GORAB: variants seen among roughly 807,000 people sequenced by gnomAD.
The protein encoded by GORAB is golgin, RAB6 interacting, also known as RAB6-interacting golgin.
In GORAB, 17 loss-of-function variants were observed where a neutral mutation model predicts 29.9. The ratio of observed to expected loss-of-function variants is 0.57; its 90% confidence interval spans 0.39 to 0.85. GORAB has a LOEUF of 0.85. GORAB is among the 40% of genes least tolerant of loss of function. GORAB has a pLI of 0.00. For synonymous variants in GORAB, 183 were observed against 157.2 expected (o/e 1.16, Z -1.23); for missense variants, 442 against 437.8 (o/e 1.01, Z -0.09).
At chr1:170,541,226 A>AAG (rs1553242489) in intron 2 of GORAB, among the ~76,000 whole-genome samples, 1 of 150,156 alleles carries the variant, frequency 6.7e-6, no homozygotes, top group Non-Finnish European at 1.5e-5. Flanking sequence ...AAAAAAAAAA[A>AAG]GCAGAACTGA....
At chr1:170,548,773 G>T (rs922360990) in intron 4 of GORAB, among the ~76,000 whole-genome samples, 2 of 152,010 alleles carry the variant, frequency 1.3e-5, no homozygotes, top group Non-Finnish European at 2.9e-5. Flanking sequence ...TAATTCCTAG[G>T]ATGATGAAAT....
At position 170,552,096 on chromosome 1, in the gene GORAB, C is replaced by T. The variant is rs1650151483; in HGVS notation, c.744C>T (p.Leu248=). Residue 248 remains leucine, a synonymous_variant, in exon 5 of 5, where the codon CTC becomes CTT. Transcript: ENST00000367763. The part of the protein sequence containing the change: ...IQRKTEIKEQ[L]TEHLCTIIQQ... ...GCAAGACTGAGATAAAAGAGCAACT[C>T]ACTGAACACCTTTGTACGATCATAC... is the stretch of plus-strand genomic sequence containing the variant. 1 of 1,613,918 alleles carries T rather than the reference C, an allele frequency of 6.2e-7. No homozygotes were observed. The highest frequency in any genetic ancestry group is 1.3e-5 in the African/African-American group (1 of 74,906).
intron 1 of GORAB, among the ~76,000 whole-genome samples, chr1:170,535,095 A>G (rs1648975775): frequency 6.6e-6 from 1 of 152,216 alleles, no homozygotes; most frequent in South Asian, 2.1e-4. Flanking sequence ...TAGTAGGAAG[A>G]AAAGAAGATT....
chr1:170,545,353 C>G, intron 4 of GORAB: 1 of 960,984 alleles, frequency 1.0e-6, no homozygotes, highest in Non-Finnish European at 1.2e-6. Context: ...TATCCTCTGT[C>G]TTGGAAATTT....
intron 1 of GORAB, chr1:170,533,359 AAAGGTTAGGCT>A (rs1648834105): frequency 4.0e-6 from 1 of 251,262 alleles, no homozygotes. Context: ...ACTCTATCAT[AAAGGTTAGGCT>A]AAGCTATGTA....
At chr1:170,533,813 C>G (rs183722890) in intron 1 of GORAB, among the ~76,000 whole-genome samples, 9 of 152,284 alleles carry the variant, frequency 5.9e-5, no homozygotes, top group Non-Finnish European at 8.8e-5. Context: ...CCGTGACCAC[C>G]TCGAGGACGG....
At chr1:170,533,457 T>C (rs1166808013) in intron 1 of GORAB, 1 of 397,618 alleles carries the variant, frequency 2.5e-6, no homozygotes, top group Non-Finnish European at 5.4e-6. Context: ...CATACTTTGA[T>C]ATACAGGGTA....
At chr1:170,543,795 A>C (rs569088327) in intron 3 of GORAB, among the ~76,000 whole-genome samples, 54 of 152,296 alleles carry the variant, frequency 3.5e-4, no homozygotes, top group Admixed American at 6.5e-4. Flanking sequence ...GCACCAGTAT[A>C]AACAGAAGTG....
At chr1:170,544,872 A>C (rs1239788694) in intron 4 of GORAB, 27 bp downstream of exon 4, 20 of 1,598,134 alleles carry the variant, frequency 1.3e-5, no homozygotes, top group Non-Finnish European at 1.6e-5. Flanking sequence ...GAATCTGAAC[A>C]AGGAGTATGA....
intron 4 of GORAB, chr1:170,545,243 T>A: frequency 1.0e-6 from 1 of 995,064 alleles, no homozygotes. Flanking sequence ...TTTTGATATC[T>A]GATATAGTCC....
chr1:170,543,206 CACA>C (rs1224072975), intron 3 of GORAB, among the ~76,000 whole-genome samples: 2 of 152,186 alleles, frequency 1.3e-5, no homozygotes, highest in African/African-American at 2.4e-5. Flanking sequence ...ACCAGCCGCA[CACA>C]ACAACATTCC....
In GORAB at chr1:170,552,227, T is replaced by G; in HGVS notation, c.875T>G (p.Leu292Trp). Residue 292 changes from leucine (L) to tryptophan (W), a missense_variant, in exon 5 of 5, where the codon TTG (leucine) becomes TGG (tryptophan). Leu to Trp is a moderately conservative substitution (Grantham distance 61, BLOSUM62 -2). Transcript: ENST00000367763. ...TLELEVEVER[L>W]LHEQEVESRR... is the part of the protein sequence containing the mutation. ...GAGCTTGAGGTGGAGGTCGAGAGAT[T>G]GCTACACGAACAAGAAGTAGAATCA... 1 of 1,614,048 alleles carries G rather than the reference T, an allele frequency of 6.2e-7. No homozygotes were observed. Among genetic ancestry groups the G allele is most frequent in the Non-Finnish European group, 8.5e-7 (1 of 1,179,962 alleles).
Position 170,532,166 on chromosome 1 carries a change from G to A in GORAB, c.-58G>A, listed in dbSNP as rs201284937. 1.2e-6 allele frequency: 2 copies of A among 1,613,258 alleles called. No homozygotes were observed. The highest frequency in any genetic ancestry group is 1.7e-6 in the Non-Finnish European group (2 of 1,180,044). On this transcript the variant is annotated 5_prime_UTR_variant, in exon 1 of 5. Transcript: ENST00000367763. Reference sequence around the variant, plus strand: ...AAACCCGGATGAGCTGGGCAGCAGTGTTGGCAGTCGCGGCTGCGAGATTTG... The same window carrying A: ...AAACCCGGATGAGCTGGGCAGCAGTATTGGCAGTCGCGGCTGCGAGATTTG...
intron 3 of GORAB, among the ~76,000 whole-genome samples, chr1:170,544,234 A>G (rs1186150555): frequency 6.6e-6 from 1 of 152,196 alleles, no homozygotes; most frequent in African/African-American, 2.4e-5. Context: ...GGTCCCAAGA[A>G]AGTTAAAACT....
At chr1:170,543,320 A>G (rs1164313704) in intron 3 of GORAB, among the ~76,000 whole-genome samples, 1 of 152,146 alleles carries the variant, frequency 6.6e-6, no homozygotes, top group African/African-American at 2.4e-5. Flanking sequence ...CAATATATCC[A>G]TGGTTGTGAA....
intron 1 of GORAB, among the ~76,000 whole-genome samples, chr1:170,534,402 A>T (rs944699208): frequency 1.3e-5 from 2 of 152,292 alleles, no homozygotes; most frequent in South Asian, 4.1e-4. Context: ...CTTTTGGTGT[A>T]TGTGGTCTTC....
At chr1:170,544,533 A>C in intron 3 of GORAB, 172 bp from the exon 4 acceptor site, 1 of 530,476 alleles carries the variant, frequency 1.9e-6, no homozygotes, top group Non-Finnish European at 3.2e-6. Context: ...AAATTTCAAA[A>C]ACTCAAATGT....
Position 170,539,548 on chromosome 1 carries a change from G to C in GORAB, c.400G>C (p.Glu134Gln), listed in dbSNP as rs762156742. The C allele has an allele frequency of 1.5e-5, 24 of 1,613,950 alleles. No individual in the cohort carries two copies. The highest frequency in any genetic ancestry group is 1.9e-5 in the Non-Finnish European group (23 of 1,179,926). The stretch of plus-strand genomic sequence containing the variant: ...ACCTCCAAAGCCAGATTGCAAATTG[G>C]AGAAAAAGAAAGTGGAATTGTTAGT... ...ILPPKPDCKLEKKKVELQEKS... is the reference protein window; with the variant it reads ...ILPPKPDCKLQKKKVELQEKS... The change falls in exon 2 of 5, where the codon GAG becomes CAG. Residue 134 changes from glutamate to glutamine, a missense_variant. Transcript: ENST00000367763.
chr1:170,532,562 G>A (rs565674259), intron 1 of GORAB: 6 of 432,780 alleles, frequency 1.4e-5, no homozygotes, highest in African/African-American at 1.0e-4. Context: ...ACTTGGGAGA[G>A]GAAGTGAGCC....
Sources: allele counts gnomAD v4.1 joint callset (sites outside exome capture counted in the v4.1 genomes callset), GRCh38; gene constraint gnomAD v4.1.1; transcripts MANE v1.5; gene names NCBI Gene and HGNC (gene_info 2026-07-23, HGNC 2026-07-21).